Variants in HS3ST5 observed in about 807,000 individuals in gnomAD.
HS3ST5 encodes heparan sulfate-glucosamine 3-sulfotransferase 5.
In HS3ST5, 10 loss-of-function variants were observed where a neutral mutation model predicts 25.4. The ratio of observed to expected loss-of-function variants is 0.39; its 90% CI spans 0.24 to 0.67. The LOEUF is 0.67. Ranked by LOEUF, HS3ST5 falls within the 30% of genes least tolerant of loss-of-function variation. HS3ST5 has a pLI of 0.44. For synonymous variants in HS3ST5, 170 were observed against 162.4 expected, an observed-to-expected ratio of 1.05 and a Z score of -0.36; for missense variants, 324 against 420.7, an observed-to-expected ratio of 0.77 and a Z score of 2.01.
chr6:114,219,177 A>G (rs1781912845), intron 2 of HS3ST5, among the ~76,000 whole-genome samples: 1 of 152,218 alleles, frequency 6.6e-6, no homozygotes, highest in African/African-American at 2.4e-5. Flanking sequence ...TGGATATTAT[A>G]TTACACTATA....
chr6:114,221,672 T>C (rs879386871), intron 2 of HS3ST5, among the ~76,000 whole-genome samples: 5 of 151,732 alleles, frequency 3.3e-5, no homozygotes, highest in African/African-American at 1.2e-4. Flanking sequence ...TAAAGTTCAG[T>C]CCTCATTTTT....
At chr6:114,079,278 A>G (rs574277575) in intron 3 of HS3ST5, among the ~76,000 whole-genome samples, 1 of 152,320 alleles carries the variant, frequency 6.6e-6, no homozygotes, top group South Asian at 2.1e-4. Flanking sequence ...AGTAGAATTT[A>G]TTTCAAAATT....
chr6:114,341,154 G>A (rs1776815131), intron 1 of HS3ST5, among the ~76,000 whole-genome samples: 1 of 144,970 alleles, frequency 6.9e-6, no homozygotes, highest in Non-Finnish European at 1.5e-5. Flanking sequence ...GAGGAGAGGG[G>A]GAGAGAGGGG....
rs974357378 is a variant in HS3ST5, at chr6:114,145,123, C to A, written c.-33+23228G>T. ...TTGGCATTTGAACCTGACTTCATACCCTGTATACCAACTAGGTTCTGGTAT... is the reference window on the plus strand; with the variant it reads ...TTGGCATTTGAACCTGACTTCATACACTGTATACCAACTAGGTTCTGGTAT... On this transcript the variant is annotated intron_variant, in intron 3 of 4. Transcript: ENST00000312719. 2.1e-4 allele frequency among the ~76,000 whole-genome samples: 32 copies of A among 152,168 alleles called. 1 individual carries two copies. Among genetic ancestry groups the A allele is most frequent in the Admixed American group, 2.0e-3 (31 of 15,278 alleles).
At chr6:114,258,696 A>G (rs1773038954) in intron 1 of HS3ST5, among the ~76,000 whole-genome samples, 1 of 151,772 alleles carries the variant, frequency 6.6e-6, no homozygotes, top group Non-Finnish European at 1.5e-5. Context: ...CCTCCAGGTA[A>G]TTTTCTCCCA....
At chr6:114,198,778 T>C (rs1422117820) in intron 2 of HS3ST5, among the ~76,000 whole-genome samples, 2 of 152,158 alleles carry the variant, frequency 1.3e-5, no homozygotes, top group African/African-American at 4.8e-5. Context: ...TTAATGGAAA[T>C]ATCTGCTACT....
At chr6:114,066,695 G>A (rs1204341805) in intron 3 of HS3ST5, among the ~76,000 whole-genome samples, 2 of 152,000 alleles carry the variant, frequency 1.3e-5, no homozygotes, top group Non-Finnish European at 2.9e-5. Context: ...AAAGCTTATC[G>A]TTTTCTACCA....
chr6:114,310,119 A>G (rs1027689953), intron 1 of HS3ST5, among the ~76,000 whole-genome samples: 1 of 152,230 alleles, frequency 6.6e-6, no homozygotes, highest in Admixed American at 6.5e-5. Flanking sequence ...GGGGGAAAAA[A>G]TTAAACTCAT....
intron 1 of HS3ST5, among the ~76,000 whole-genome samples, chr6:114,259,922 G>A (rs1773093173): frequency 6.6e-6 from 1 of 151,982 alleles, no homozygotes; most frequent in Admixed American, 6.6e-5. Flanking sequence ...TTTTTAAAAT[G>A]GAATTTTTTA....
At chr6:114,330,252 T>C (rs1039942502) in intron 1 of HS3ST5, among the ~76,000 whole-genome samples, 3 of 152,114 alleles carry the variant, frequency 2.0e-5, no homozygotes, top group Middle Eastern at 3.2e-3. Context: ...TGGATAATGG[T>C]TGGAATTCTG....
intron 1 of HS3ST5, among the ~76,000 whole-genome samples, chr6:114,321,619 C>T (rs771904759): frequency 6.6e-6 from 1 of 152,012 alleles, no homozygotes; most frequent in Admixed American, 6.6e-5. Context: ...TAGCACAACA[C>T]AATAATAAAT....
At chr6:114,188,632 C>T (rs949344705) in intron 2 of HS3ST5, among the ~76,000 whole-genome samples, 1 of 151,958 alleles carries the variant, frequency 6.6e-6, no homozygotes, top group Non-Finnish European at 1.5e-5. Context: ...TAATATCATG[C>T]TTTTATTACT....
chr6:114,178,918 T>C (rs1306547842), intron 2 of HS3ST5: 1 of 151,950 alleles, frequency 6.6e-6, no homozygotes, highest in African/African-American at 2.4e-5. Flanking sequence ...CAAAATGCCA[T>C]GTCAAGAGTC....
intron 3 of HS3ST5, among the ~76,000 whole-genome samples, chr6:114,065,580 G>T (rs1199696550): frequency 6.6e-6 from 1 of 152,212 alleles, no homozygotes; most frequent in East Asian, 1.9e-4. Context: ...TAGTAAGAAT[G>T]AAATGAGTTT....
intron 1 of HS3ST5, among the ~76,000 whole-genome samples, chr6:114,323,397 C>T (rs1776044654): frequency 6.6e-6 from 1 of 152,008 alleles, no homozygotes; most frequent in Non-Finnish European, 1.5e-5. Context: ...TTAATCTGTT[C>T]ATACCAATAG....
intron 2 of HS3ST5, among the ~76,000 whole-genome samples, chr6:114,211,092 G>T (rs1781493548): frequency 6.6e-6 from 1 of 152,186 alleles, no homozygotes; most frequent in Non-Finnish European, 1.5e-5. Flanking sequence ...CCAACCTAGA[G>T]TAAGACAGGT....
chr6:114,094,985 T>C (rs1002280723), intron 3 of HS3ST5, among the ~76,000 whole-genome samples: 3 of 152,208 alleles, frequency 2.0e-5, no homozygotes, highest in African/African-American at 7.2e-5. Flanking sequence ...GCACATCTCC[T>C]TCCCTTAGTT....
intron 3 of HS3ST5, among the ~76,000 whole-genome samples, chr6:114,134,109 G>C (rs575893590): frequency 1.3e-5 from 2 of 152,234 alleles, no homozygotes; most frequent in East Asian, 3.9e-4. Context: ...TCAAGAAACT[G>C]GCAAGCCTTG....
intron 2 of HS3ST5, among the ~76,000 whole-genome samples, chr6:114,177,410 G>A (rs1208030839): frequency 6.6e-6 from 1 of 152,162 alleles, no homozygotes; most frequent in African/African-American, 2.4e-5. Flanking sequence ...AAGTGTGTAT[G>A]TAATCAAGTG....
Sources: allele counts gnomAD v4.1 joint callset (sites outside exome capture counted in the v4.1 genomes callset), GRCh38; gene constraint gnomAD v4.1.1; transcripts MANE v1.5; gene names NCBI Gene and HGNC (gene_info 2026-07-23, HGNC 2026-07-21).